HMCN2: variants seen among roughly 807,000 people sequenced by gnomAD.
The protein encoded by HMCN2 is hemicentin-2.
Under a neutral mutation model 377.5 loss-of-function variants are expected in HMCN2, and 325 were observed. The ratio of observed to expected loss-of-function variants is 0.86; its 90% CI spans 0.79 to 0.94. The LOEUF (loss-of-function observed/expected upper bound fraction) is 0.94, where lower values mean the gene tolerates loss of function less well. HMCN2 is among the 40% of genes least tolerant of loss of function. The pLI is 0.00. For synonymous variants in HMCN2, 2,007 were observed against 2,046.8 expected, an observed-to-expected ratio of 0.98 and a Z score of 0.53; for missense variants, 4,543 against 4,725.3, an observed-to-expected ratio of 0.96 and a Z score of 1.13.
intron 40 of HMCN2, among the ~76,000 whole-genome samples, chr9:130,364,253 A>G (rs1354238987): frequency 5.3e-5 from 8 of 152,200 alleles, no homozygotes; most frequent in Admixed American, 6.5e-5. Context: ...AGGGCCTCGC[A>G]TGGCGAGTGA....
chr9:130,292,876 T>C (rs1399020557), intron 4 of HMCN2, among the ~76,000 whole-genome samples: 2 of 152,182 alleles, frequency 1.3e-5, no homozygotes, highest in African/African-American at 4.8e-5. Flanking sequence ...TGGGGAATGG[T>C]ATTTAGAAAC....
At chr9:130,348,398 C>T in intron 26 of HMCN2, 147 bp from the exon 27 acceptor site, 1 of 1,199,346 alleles carries the variant, frequency 8.3e-7, no homozygotes, top group Admixed American at 3.0e-5. Flanking sequence ...TGCAGGTCCA[C>T]AGGACCCTTT....
At chr9:130,346,202 G>A (rs1216732847) in intron 25 of HMCN2, among the ~76,000 whole-genome samples, 2 of 152,136 alleles carry the variant, frequency 1.3e-5, no homozygotes, top group African/African-American at 2.4e-5. Flanking sequence ...CAGGATGGCA[G>A]CAGCAGAGTG....
rs534507633 is a variant in HMCN2, at chr9:130,351,238, G to A, written c.4431-185G>A. Among the ~76,000 whole-genome samples the A allele has an allele frequency of 1.3e-4, 20 of 152,276 alleles. No homozygotes were observed. The Middle Eastern group carries it at 0.01, about 78-fold the overall frequency. On this transcript the variant is annotated intron_variant, in intron 29 of 97. Coordinates refer to ENST00000683500, the MANE Select transcript of HMCN2 (RefSeq NM_001291815.2). This position sits in a 1 kb window ranked among gnomAD's most constrained non-coding sequence, Gnocchi z 5.4. ...CATTTTTGTGGCTGAATAATGTTCC[G>A]TGGCATGGACGGACCACACGTTGTT...
In HMCN2 at chr9:130,369,195, G is replaced by A. The variant is rs1840878222; in HGVS notation, c.6788-375G>A. ...CCCCAGCCTGGTAAAAATCCTGCTA[G>A]AAAATAAAACCAGGAACAGTGCTGT... On this transcript the variant is annotated intron_variant, in intron 44 of 97. Transcript: ENST00000683500. This position sits in a 1 kb window ranked among gnomAD's most constrained non-coding sequence, Gnocchi z 4.5. Among the ~76,000 whole-genome samples, 2 of 152,180 alleles carry A rather than the reference G, an allele frequency of 1.3e-5. No individual in the cohort carries two copies. The highest frequency in any genetic ancestry group is 1.3e-4 in the Admixed American group (2 of 15,284).
rs192733602 is a variant in HMCN2 at position 130,353,853 on chromosome 9, C to T, written c.4864+648C>T. Among the ~76,000 whole-genome samples the T allele has an allele frequency of 1.5e-3, 226 of 152,208 alleles. 2 individuals carry two copies. Among genetic ancestry groups the T allele is most frequent in the Middle Eastern group, 3.4e-3 (1 of 294 alleles). ...TGGCTCTGGATGGGTCTGAGCAGGG[C>T]CCCGGTGAAGTGTGAGAGGGCAGCG... is the stretch of plus-strand genomic sequence containing the variant. On this transcript the variant is annotated intron_variant, in intron 31 of 97. Transcript: ENST00000683500.
Position 130,404,954 on chromosome 9 carries a change from T to A in HMCN2, c.12234T>A (p.Ser4078Arg). The change falls in exon 81 of 98, where the codon AGT becomes AGA. Residue 4078 changes from serine to arginine, a missense_variant. This residue lies in a region of HMCN2 where 1,073 missense variants were observed against 1,319.5 expected (regional missense o/e 0.81). Coordinates refer to ENST00000683500, the MANE Select transcript of HMCN2 (RefSeq NM_001291815.2). ...TCTTGCCTTGCAAGGCGAGGGGCAG[T>A]CCTGAGCCCAACATCACCTGGGACA... Reference protein sequence around the residue: ...HAFLPCKARGSPEPNITWDKD... With the variant: ...HAFLPCKARGRPEPNITWDKD... The A allele has an allele frequency of 7.8e-7, 1 of 1,289,434 alleles. No homozygotes were observed. The highest frequency in any genetic ancestry group is 1.0e-6 in the Non-Finnish European group (1 of 988,720). The allele number at this position is 1,289,434 out of a possible 1,614,324, so 79.9% of individuals were successfully genotyped here.
chr9:130,271,494 G>A (rs1834402330), intron 1 of HMCN2, among the ~76,000 whole-genome samples: 1 of 149,058 alleles, frequency 6.7e-6, no homozygotes, highest in Non-Finnish European at 1.5e-5. Flanking sequence ...ACTTTATTTT[G>A]CTCCTCAAAT....
chr9:130,351,510 A>T lies in HMCN2; in HGVS notation c.4518A>T (p.Gly1506=). 7.7e-7 allele frequency: 1 copy of T among 1,304,176 alleles called. No individual in the cohort carries two copies. The highest frequency in any genetic ancestry group is 1.0e-6 in the Non-Finnish European group (1 of 988,932). 80.8% of individuals were successfully genotyped at this position (1,304,176 alleles called of 1,614,324 possible). A position where few individuals can be genotyped will look rare whatever the true frequency, so the allele number is the denominator to read the frequency against. The change falls in exon 30 of 98, where the codon GGA becomes GGT. Residue 1506 remains glycine (G), a synonymous_variant. Coordinates refer to ENST00000683500, the MANE Select transcript of HMCN2 (RefSeq NM_001291815.2). The surrounding 1 kb of genome is among the most constrained non-coding windows in gnomAD (Gnocchi z 5.4). ...RITGSHVGDE[G]RYQCVAFSPA... is the part of the protein sequence containing the mutation. ...CCGGCAGTCACGTGGGGGATGAGGG[A>T]CGATACCAGTGCGTGGCCTTCAGCC...
rs928388081 is a variant in HMCN2, at chr9:130,428,252, C to T, written c.14066-106C>T. 24 of 1,351,988 alleles carry T rather than the reference C, an allele frequency of 1.8e-5. No homozygotes were observed. In the African/African-American group the frequency reaches 2.6e-4, roughly 15 times the overall value. The allele number at this position is 1,351,988 out of a possible 1,614,324, so 83.7% of individuals were successfully genotyped here. On this transcript the variant is annotated intron_variant, in intron 92 of 97. Coordinates refer to ENST00000683500, the MANE Select transcript of HMCN2 (RefSeq NM_001291815.2). This position sits in a 1 kb window ranked among gnomAD's most constrained non-coding sequence, Gnocchi z 5.0. ...GTGGGGACCTTCCTGCCAGTGGCTC[C>T]TGGGCCTGCGGACGAAGCCTCTGTG... is the stretch of plus-strand genomic sequence containing the variant.
chr9:130,406,319 G>A (rs1564864334), intron 82 of HMCN2, 151 bp downstream of exon 82: 1 of 570,986 alleles, frequency 1.8e-6, no homozygotes, highest in African/African-American at 1.9e-5. Context: ...CCCTATGTAG[G>A]GGGACAGGGC....
chr9:130,409,487 G>A (rs761322996), intron 84 of HMCN2, among the ~76,000 whole-genome samples: 2 of 152,212 alleles, frequency 1.3e-5, no homozygotes, highest in Admixed American at 6.5e-5. Flanking sequence ...AGTCAGTCCT[G>A]ACTCAAGTTC....
Position 130,306,235 on chromosome 9 carries a change from G to A in HMCN2, c.1923G>A (p.Trp641Ter), listed in dbSNP as rs926147310. The A allele has an allele frequency of 4.2e-6, 2 of 471,046 alleles. No homozygotes were observed. Among genetic ancestry groups the A allele is most frequent in the Non-Finnish European group, 8.8e-6 (2 of 227,026 alleles). 29.2% of individuals were successfully genotyped at this position (471,046 alleles called of 1,614,324 possible). A position where few individuals can be genotyped will look rare whatever the true frequency, so the allele number is the denominator to read the frequency against. ...ASGYPTPHIS[W>*]SRESQALQED... ...GATACCCCACACCCCACATCTCCTG[G>A]AGCCGTGAGAGCCAAGCCCTACAAG... is the stretch of plus-strand genomic sequence containing the variant. The change falls in exon 12 of 98, where the codon TGG becomes TGA. Residue 641 changes from tryptophan (W) to a stop codon, truncating the protein, a stop_gained. Coordinates refer to ENST00000683500, the MANE Select transcript of HMCN2 (RefSeq NM_001291815.2). LOFTEE classifies it high-confidence loss of function.
chr9:130,423,536 G>T lies in HMCN2; in HGVS notation c.13381+810G>T, dbSNP rs1363513623. On this transcript the variant is annotated intron_variant, in intron 87 of 97. Coordinates refer to ENST00000683500, the MANE Select transcript of HMCN2 (RefSeq NM_001291815.2). This position sits in a 1 kb window ranked among gnomAD's most constrained non-coding sequence, Gnocchi z 5.5. ...AGTGTGAGGCCTGGAGAAGCATCTG[G>T]CCCCAAGCCCGTGGACCAGGCTTTG... 6.6e-6 allele frequency among the ~76,000 whole-genome samples: 1 copy of T among 152,206 alleles called. No individual in the cohort carries two copies. The highest frequency in any genetic ancestry group is 1.5e-5 in the Non-Finnish European group (1 of 68,042).
intron 25 of HMCN2, among the ~76,000 whole-genome samples, chr9:130,342,674 G>T (rs1405349213): frequency 6.6e-6 from 1 of 152,176 alleles, no homozygotes; most frequent in Non-Finnish European, 1.5e-5. Context: ...AAGTCACACA[G>T]CCAGGATGTG....
chr9:130,351,593 T>A lies in HMCN2; in HGVS notation c.4585+16T>A, dbSNP rs1201966021. The A allele has an allele frequency of 7.7e-7, 1 of 1,295,636 alleles. No individual in the cohort carries two copies. Among genetic ancestry groups the A allele is most frequent in the East Asian group, 5.6e-5 (1 of 17,796 alleles). 80.3% of individuals were successfully genotyped at this position (1,295,636 alleles called of 1,614,324 possible). The stretch of plus-strand genomic sequence containing the variant: ...CGAGTTCATGGTGAGCCCCCACGCC[T>A]TCTGGGACCCCGCCACAGGCTACTC... On this transcript the variant is annotated intron_variant, in intron 30 of 97. Transcript: ENST00000683500. The surrounding 1 kb of genome is among the most constrained non-coding windows in gnomAD (Gnocchi z 5.4).
chr9:130,298,876 C>T, intron 7 of HMCN2, 149 bp from the exon 8 acceptor site: 1 of 353,806 alleles, frequency 2.8e-6, no homozygotes, highest in South Asian at 2.1e-5. Context: ...CAGCGTTGGT[C>T]AGCACCAGGG....
intron 1 of HMCN2, among the ~76,000 whole-genome samples, chr9:130,280,908 A>C (rs910794953): frequency 7.9e-5 from 12 of 152,034 alleles, no homozygotes; most frequent in Non-Finnish European, 1.5e-4. Flanking sequence ...GATCGAGACC[A>C]TCCTGGCCAA....
chr9:130,415,025 G>A (rs1843611110), intron 85 of HMCN2, among the ~76,000 whole-genome samples: 1 of 152,072 alleles, frequency 6.6e-6, no homozygotes, highest in Non-Finnish European at 1.5e-5. Context: ...GATGGTGCCA[G>A]CAGAGCCCCA....
Sources: gnomAD v4.1 joint callset for allele counts (sites outside exome capture counted in the v4.1 genomes callset) on GRCh38, gnomAD v4.1.1 for gene constraint, gnomAD v4.1.1 regional missense constraint, Gnocchi (gnomAD v3.1) non-coding constraint, MANE v1.5 for transcripts, NCBI Gene and HGNC (gene_info 2026-07-23, HGNC 2026-07-21) for gene names.